IPCEF1: variants seen among roughly 807,000 people sequenced by gnomAD.
IPCEF1 encodes the protein interaction protein for cytohesin exchange factors 1, also known as interactor protein for cytohesin exchange factors 1.
In IPCEF1, 31 loss-of-function variants were observed where a neutral mutation model predicts 50.9. That is an observed-to-expected ratio of 0.61 (90% CI 0.46 to 0.82). The LOEUF is 0.82. IPCEF1 is among the 40% of genes least tolerant of loss of function. The pLI is 0.00. For synonymous variants in IPCEF1, 181 were observed against 192.0 expected, an observed-to-expected ratio of 0.94 and a Z score of 0.47; for missense variants, 458 against 514.0, an observed-to-expected ratio of 0.89 and a Z score of 1.05.
intron 1 of IPCEF1, among the ~76,000 whole-genome samples, chr6:154,307,583 C>G (rs1450407878): frequency 6.6e-6 from 1 of 152,144 alleles, no homozygotes. Context: ...CAGTTTAAGC[C>G]TATAACCGTG....
intron 1 of IPCEF1, among the ~76,000 whole-genome samples, chr6:154,322,285 G>C (rs562610920): frequency 1.3e-5 from 2 of 152,236 alleles, no homozygotes; most frequent in East Asian, 3.9e-4. Flanking sequence ...GGGAGGCTGA[G>C]GCAGGAGAAT....
intron 5 of IPCEF1, among the ~76,000 whole-genome samples, chr6:154,243,907 T>C (rs909874936): frequency 6.6e-6 from 1 of 152,158 alleles, no homozygotes; most frequent in African/African-American, 2.4e-5. Context: ...AATGAGAGCA[T>C]ATATGCAAGG....
chr6:154,246,513 T>G, intron 5 of IPCEF1, 78 bp downstream of exon 5: 1 of 1,464,246 alleles, frequency 6.8e-7, no homozygotes. Flanking sequence ...AAATGAACTT[T>G]CCCATAGGGA....
intron 5 of IPCEF1, among the ~76,000 whole-genome samples, chr6:154,240,105 T>A (rs1426482968): frequency 6.6e-6 from 1 of 152,208 alleles, no homozygotes; most frequent in African/African-American, 2.4e-5. Flanking sequence ...TAAAAGCCCA[T>A]AATTCTCATT....
intron 10 of IPCEF1, among the ~76,000 whole-genome samples, chr6:154,173,084 T>C (rs12196165): frequency 0.15 from 23,117 of 152,178 alleles, 2,040 homozygotes; most frequent in East Asian, 0.41. Flanking sequence ...GTCCTGTCTG[T>C]TACAAGGAAA....
chr6:154,178,849 T>C (rs1213076116), intron 10 of IPCEF1, among the ~76,000 whole-genome samples: 2 of 152,214 alleles, frequency 1.3e-5, no homozygotes, highest in African/African-American at 4.8e-5. Flanking sequence ...AGAGAAAGCC[T>C]GGAACTGAAA....
chr6:154,179,680 G>C (rs1177280791), intron 10 of IPCEF1, among the ~76,000 whole-genome samples: 1 of 152,182 alleles, frequency 6.6e-6, no homozygotes, highest in Non-Finnish European at 1.5e-5. Flanking sequence ...CAAGTGTTTT[G>C]TCAAGGAAGA....
chr6:154,334,426 G>T (rs2128695053), intron 1 of IPCEF1, among the ~76,000 whole-genome samples: 1 of 152,274 alleles, frequency 6.6e-6, no homozygotes, highest in African/African-American at 2.4e-5. Context: ...AGTATGTTTG[G>T]TATCTATGAC....
At chr6:154,302,348 C>T (rs1782816535) in intron 1 of IPCEF1, among the ~76,000 whole-genome samples, 2 of 152,192 alleles carry the variant, frequency 1.3e-5, no homozygotes, top group South Asian at 4.1e-4. Context: ...CTTTATTTGT[C>T]TCATTTAGTT....
chr6:154,182,565 A>G (rs1005691696), intron 10 of IPCEF1, among the ~76,000 whole-genome samples: 23 of 152,314 alleles, frequency 1.5e-4, no homozygotes, highest in Admixed American at 1.2e-3. Flanking sequence ...TAAAATTACT[A>G]TGTTTCCTCA....
At chr6:154,177,482 A>G (rs1212028853) in intron 10 of IPCEF1, among the ~76,000 whole-genome samples, 1 of 152,250 alleles carries the variant, frequency 6.6e-6, no homozygotes, top group Non-Finnish European at 1.5e-5. Flanking sequence ...GGCAAAGGAC[A>G]TGAACAGACA....
intron 4 of IPCEF1, chr6:154,247,221 C>T: frequency 1.9e-6 from 1 of 520,268 alleles, no homozygotes; most frequent in Non-Finnish European, 3.5e-6. Context: ...CGACTCACTG[C>T]CAGTTTTTCT....
At chr6:154,272,717 T>C (rs1781928903) in intron 2 of IPCEF1, among the ~76,000 whole-genome samples, 1 of 152,204 alleles carries the variant, frequency 6.6e-6, no homozygotes, top group South Asian at 2.1e-4. Context: ...TTAAACCAAG[T>C]GTGTTTTAGC....
chr6:154,263,230 C>CTTTT (rs10701125), intron 3 of IPCEF1, among the ~76,000 whole-genome samples: 53 of 147,982 alleles, frequency 3.6e-4, no homozygotes, highest in East Asian at 3.9e-4. Context: ...GTAAATGAGT[C>CTTTT]TTTTTTTTTT....
intron 1 of IPCEF1, among the ~76,000 whole-genome samples, chr6:154,294,768 C>T (rs1782597475): frequency 2.0e-5 from 3 of 152,134 alleles, no homozygotes; most frequent in Non-Finnish European, 4.4e-5. Context: ...CCTAATCTTT[C>T]ATGGTTGTGT....
chr6:154,351,284 T>C (rs1784115244), intron 1 of IPCEF1, among the ~76,000 whole-genome samples: 1 of 152,242 alleles, frequency 6.6e-6, no homozygotes, highest in Non-Finnish European at 1.5e-5. Flanking sequence ...GGGATCTTTG[T>C]GGTGACGGAA....
At chr6:154,169,087 G>A (rs1198532550) in intron 10 of IPCEF1, among the ~76,000 whole-genome samples, 1 of 151,836 alleles carries the variant, frequency 6.6e-6, no homozygotes, top group Non-Finnish European at 1.5e-5. Flanking sequence ...CAGGCTGGGT[G>A]TGGTGGCTCA....
chr6:154,212,663 T>C, intron 9 of IPCEF1, 107 bp downstream of exon 9: 1 of 715,304 alleles, frequency 1.4e-6, no homozygotes, highest in Non-Finnish European at 2.4e-6. Flanking sequence ...TATCTTAATT[T>C]AGCCCATTCT....
chr6:154,183,923 GCAAAA>G (rs1562528470), intron 10 of IPCEF1, among the ~76,000 whole-genome samples: 1 of 151,672 alleles, frequency 6.6e-6, no homozygotes, highest in Non-Finnish European at 1.5e-5. Flanking sequence ...AAAAAACAAA[GCAAAA>G]CAAAAAACAC....
Sources: allele counts gnomAD v4.1 joint callset (sites outside exome capture counted in the v4.1 genomes callset), GRCh38; gene constraint gnomAD v4.1.1; transcripts MANE v1.5; gene names NCBI Gene and HGNC (gene_info 2026-07-23, HGNC 2026-07-21).